URM1: variants seen among roughly 807,000 people sequenced by gnomAD.
URM1 encodes the protein ubiquitin-related modifier 1.
A neutral mutation model predicts 17.7 loss-of-function variants in URM1; 11 were observed. That is an observed-to-expected ratio of 0.62 (90% CI 0.39 to 1.03). The LOEUF (loss-of-function observed/expected upper bound fraction) is 1.03, where lower values mean the gene tolerates loss of function less well. URM1 is among the 50% of genes least tolerant of loss of function. The pLI is 0.00. For synonymous variants in URM1, 48 were observed against 50.6 expected (o/e 0.95, Z 0.22); for missense variants, 128 against 129.2 (o/e 0.99, Z 0.04).
intron 2 of URM1, among the ~76,000 whole-genome samples, chr9:128,385,471 C>T (rs1009852735): frequency 1.3e-5 from 2 of 152,076 alleles, no homozygotes; most frequent in African/African-American, 2.4e-5. Flanking sequence ...CATGATCACA[C>T]GGGATCCCAG....
intron 2 of URM1, among the ~76,000 whole-genome samples, chr9:128,386,186 T>C (rs1833225123): frequency 6.6e-6 from 1 of 152,274 alleles, no homozygotes; most frequent in South Asian, 2.1e-4. Flanking sequence ...CCCCGCCCGC[T>C]AGGGCTGGCT....
At chr9:128,377,656 T>C (rs1833095427) in intron 1 of URM1, among the ~76,000 whole-genome samples, 1 of 151,868 alleles carries the variant, frequency 6.6e-6, no homozygotes, top group Admixed American at 6.6e-5. Flanking sequence ...GGCAACAGAG[T>C]GAGACTAAAC....
intron 1 of URM1, among the ~76,000 whole-genome samples, chr9:128,372,946 C>G (rs1833031731): frequency 6.6e-6 from 1 of 151,936 alleles, no homozygotes; most frequent in Non-Finnish European, 1.5e-5. Context: ...CTGCAGACAA[C>G]TTGCCTTTCA....
chr9:128,375,550 A>C lies in URM1; in HGVS notation c.36-2486A>C, dbSNP rs777296600. ...ATAGAGTGAGACCTCACTATGTTAT[A>C]AAATATTTTTAAATTATTATTAGTT... On this transcript the variant is annotated intron_variant, in intron 1 of 4. Transcript: ENST00000372853. 7.4e-4 allele frequency among the ~76,000 whole-genome samples: 113 copies of C among 152,088 alleles called. 2 individuals are homozygous for C. Among genetic ancestry groups the C allele is most frequent in the Non-Finnish European group, 2.1e-4 (14 of 68,024 alleles).
chr9:128,388,139 G>C, intron 3 of URM1: 1 of 1,310,254 alleles, frequency 7.6e-7, no homozygotes, highest in Non-Finnish European at 9.7e-7. Context: ...TCTGCCCTCT[G>C]GTTGCCACAG....
At chr9:128,373,393 G>T (rs1453763118) in intron 1 of URM1, among the ~76,000 whole-genome samples, 1 of 152,068 alleles carries the variant, frequency 6.6e-6, no homozygotes, top group Non-Finnish European at 1.5e-5. Context: ...GAGCAAATTT[G>T]CAAAGGCTAA....
intron 2 of URM1, among the ~76,000 whole-genome samples, chr9:128,379,750 G>A (rs1411461864): frequency 1.3e-5 from 2 of 149,380 alleles, no homozygotes; most frequent in South Asian, 2.1e-4. Flanking sequence ...GCAGTGAGCC[G>A]AATCATGCCA....
intron 2 of URM1, among the ~76,000 whole-genome samples, chr9:128,380,177 A>G (rs558412710): frequency 6.6e-6 from 1 of 152,202 alleles, no homozygotes; most frequent in East Asian, 1.9e-4. Context: ...GTCAAGTGAG[A>G]TTTGGCAGGA....
Position 128,389,242 on chromosome 9 carries a change from ACCACCATCTTTC to A in URM1, c.189-14_189-3del, listed in dbSNP as rs1471977646. On this transcript the variant is annotated splice_polypyrimidine_tract_variant and splice_region_variant and intron_variant, in intron 3 of 4. Coordinates refer to ENST00000372853, the MANE Select transcript of URM1 (RefSeq NM_030914.4). ...TCCTGCCTCTCACTCCTTGCTACTC[ACCACCATCTTTC>A]CCACAGGCGGCCAGGAATTCTGGTG... is the stretch of plus-strand genomic sequence containing the variant. 1 of 1,584,810 alleles carries A rather than the reference ACCACCATCTTTC, an allele frequency of 6.3e-7. No homozygotes were observed. Among genetic ancestry groups the A allele is most frequent in the Non-Finnish European group, 8.6e-7 (1 of 1,163,596 alleles).
intron 1 of URM1, among the ~76,000 whole-genome samples, chr9:128,372,682 C>T (rs1038009621): frequency 1.3e-5 from 2 of 152,118 alleles, no homozygotes; most frequent in Non-Finnish European, 2.9e-5. Context: ...ACCCTTGGCC[C>T]AGCTACACTC....
At chr9:128,389,187 T>C (rs2131302141) in intron 3 of URM1, 74 bp from the exon 4 acceptor site, 1 of 1,528,088 alleles carries the variant, frequency 6.5e-7, no homozygotes, top group Non-Finnish European at 8.8e-7. Flanking sequence ...AGCCCAAAGC[T>C]CTCAGCCTCT....
At chr9:128,380,232 T>C (rs1399243818) in intron 2 of URM1, among the ~76,000 whole-genome samples, 1 of 152,230 alleles carries the variant, frequency 6.6e-6, no homozygotes, top group Non-Finnish European at 1.5e-5. Context: ...CAATTATTAT[T>C]GCTCAGATTC....
intron 3 of URM1, chr9:128,388,611 C>T (rs2131301590): frequency 1.0e-6 from 1 of 986,276 alleles, no homozygotes; most frequent in Non-Finnish European, 1.2e-6. Context: ...GTCCAGTGGT[C>T]CTGGAGGCCA....
At chr9:128,388,125 G>A (rs1833252909) in intron 3 of URM1, 18 of 1,331,144 alleles carry the variant, frequency 1.4e-5, no homozygotes, top group Non-Finnish European at 1.7e-5. Context: ...CAGAAAACTT[G>A]GATTCTGCCC....
rs1269900772 is a variant in URM1, at chr9:128,389,724, ACGG to A, written c.301_303del (p.Gly101del). Reference sequence around the variant, plus strand: ...AGCGTCCTCTTCATCTCCACTCTGCACGGCGGCTGAGGGCCCTTCTCTGGGCCT... The same window carrying A: ...AGCGTCCTCTTCATCTCCACTCTGCACGGCTGAGGGCCCTTCTCTGGGCCT... On this transcript the variant is annotated inframe_deletion, in exon 5 of 5. Transcript: ENST00000372853. 6.2e-7 allele frequency: 1 copy of A among 1,613,480 alleles called. No individual in the cohort carries two copies. The highest frequency in any genetic ancestry group is 1.1e-5 in the South Asian group (1 of 91,084).
chr9:128,389,410 A>G, intron 4 of URM1, 101 bp downstream of exon 4: 2 of 1,607,640 alleles, frequency 1.2e-6, no homozygotes. Context: ...TGGCTGGGTA[A>G]TCCTCCGCCC....
chr9:128,371,353 A>C (rs374064544), upstream of URM1: 307 of 1,611,110 alleles, frequency 1.9e-4, no homozygotes, highest in African/African-American at 3.8e-3. Flanking sequence ...AGTTGAGGGG[A>C]GTTTCCTGCG....
In URM1 at chr9:128,389,756, C is replaced by T. The variant is rs765565694; in HGVS notation, c.*22C>T. ...CTGAGGGCCCTTCTCTGGGCCTGGG[C>T]ACCCTTAGAGGGGAGAACGAAGCAA... is the stretch of plus-strand genomic sequence containing the variant. On this transcript the variant is annotated 3_prime_UTR_variant, in exon 5 of 5. Coordinates refer to ENST00000372853, the MANE Select transcript of URM1 (RefSeq NM_030914.4). The T allele has an allele frequency of 2.5e-6, 4 of 1,613,242 alleles. No homozygotes were observed. The highest frequency in any genetic ancestry group is 2.2e-5 in the East Asian group (1 of 44,896).
intron 2 of URM1, among the ~76,000 whole-genome samples, chr9:128,381,587 A>G (rs1833160429): frequency 6.6e-6 from 1 of 152,226 alleles, no homozygotes; most frequent in Non-Finnish European, 1.5e-5. Flanking sequence ...TCCCAGGTTG[A>G]GGCAGGAGAA....
Sources: allele counts gnomAD v4.1 joint callset (sites outside exome capture counted in the v4.1 genomes callset), GRCh38; gene constraint gnomAD v4.1.1; transcripts MANE v1.5; gene names NCBI Gene and HGNC (gene_info 2026-07-23, HGNC 2026-07-21).